The following IL11RA variants were observed in gnomAD, a reference collection of about 807,000 sequenced individuals.
The protein encoded by IL11RA is interleukin 11 receptor subunit alpha, also known as interleukin-11 receptor subunit alpha.
Under a neutral mutation model 57.0 loss-of-function variants are expected in IL11RA, and 51 were observed. The observed-to-expected ratio is 0.89, with a 90% CI of 0.71 to 1.13. The LOEUF is 1.13. Among genes scored for constraint, IL11RA ranks in the 50% most tolerant of loss-of-function variants. The probability of loss-of-function intolerance (pLI) is 0.00; values close to 1 mark genes in which losing one functional copy is unlikely to be tolerated. For missense variants in IL11RA, 498 were observed against 539.4 expected (o/e 0.92, Z 0.76); for synonymous variants, 199 against 217.5 (o/e 0.91, Z 0.75).
chr9:34,655,088 T>C (rs530924408), intron 1 of IL11RA, 130 bp from the exon 2 acceptor site: 2 of 723,028 alleles, frequency 2.8e-6, no homozygotes, highest in East Asian at 5.4e-5. Flanking sequence ...CCCGCAGTGA[T>C]TTCTAACAGC....
rs1250832390 is a variant in IL11RA at position 34,655,367 on chromosome 9, C to T, written c.100+50C>T. The T allele has an allele frequency of 8.6e-6, 10 of 1,160,060 alleles. No homozygotes were observed. In the African/African-American group the frequency reaches 1.2e-4, roughly 14 times the overall value. The allele number at this position is 1,160,060 out of a possible 1,614,324, so 71.9% of individuals were successfully genotyped here. On this transcript the variant is annotated intron_variant, in intron 2 of 12. Transcript: ENST00000441545. ...CTCCCAACTCTGACTTGTGACTTGC[C>T]ACCCTCACTGTGGCCCCTTCCCATG...
rs200169943 is a variant in IL11RA, at chr9:34,659,757, A to G, written c.811-2A>G. ...GTAACAGTGAGTCATGTTTACCCCC[A>G]GGTGGAGCCAGCTGGACTGGAGGAG... On this transcript the variant is annotated splice_acceptor_variant, in intron 8 of 12. Transcript: ENST00000441545. LOFTEE classifies it high-confidence loss of function. 2.5e-6 allele frequency: 4 copies of G among 1,614,174 alleles called. No individual in the cohort carries two copies. In the East Asian group the frequency reaches 8.9e-5, roughly 36 times the overall value.
Position 34,658,569 on chromosome 9 carries a change from C to T in IL11RA, c.696C>T (p.Tyr232=). Residue 232 remains tyrosine, a synonymous_variant, in exon 8 of 13, where the codon TAC becomes TAT. Coordinates refer to ENST00000441545, the MANE Select transcript of IL11RA (RefSeq NM_001142784.3). The surrounding 1 kb of genome is among the most constrained non-coding windows in gnomAD (Gnocchi z 4.0). ...QGLRVESVPG[Y]PRRLRASWTY... is the part of the protein sequence containing the mutation. ...TGCGGGTAGAGTCAGTACCAGGTTA[C>T]CCCCGACGCCTGCGAGCCAGCTGGA... 6.2e-7 allele frequency: 1 copy of T among 1,614,124 alleles called. No individual in the cohort carries two copies. Among genetic ancestry groups the T allele is most frequent in the Non-Finnish European group, 8.5e-7 (1 of 1,180,018 alleles).
In IL11RA at chr9:34,656,865, C is replaced by A; in HGVS notation, c.288C>A (p.Thr96=). The change falls in exon 4 of 13, where the codon ACC becomes ACA. Residue 96 remains threonine (T), a synonymous_variant. Coordinates refer to ENST00000441545, the MANE Select transcript of IL11RA (RefSeq NM_001142784.3). ...ATGAGGGCACCTACATCTGCCAGAC[C>A]CTGGATGGTGCACTTGGGGGCACAG... The part of the protein sequence containing the change: ...STDEGTYICQ[T]LDGALGGTVT... The A allele has an allele frequency of 6.2e-7, 1 of 1,614,124 alleles. No homozygotes were observed. Among genetic ancestry groups the A allele is most frequent in the Non-Finnish European group, 8.5e-7 (1 of 1,180,012 alleles).
At chr9:34,655,106 C>G (rs1821317564) in intron 1 of IL11RA, 112 bp from the exon 2 acceptor site, 3 of 760,940 alleles carry the variant, frequency 3.9e-6, no homozygotes, top group Admixed American at 2.0e-5. Context: ...AGCCTTACCC[C>G]ACTTGGTGCA....
At chr9:34,656,015 G>A (rs1015167213) in intron 3 of IL11RA, 1 of 353,508 alleles carries the variant, frequency 2.8e-6, no homozygotes, top group Non-Finnish European at 5.5e-6. Flanking sequence ...GGATGTCGAA[G>A]AGGACAACTG....
rs1821427887 is a variant in IL11RA, at chr9:34,660,266, T to G, written c.953-8T>G. Reference sequence around the variant, plus strand: ...TATGGACACTTATTGGGTCTTGCCTTCCTTTAGGGACCATACCAAAGGAGA... The same window carrying G: ...TATGGACACTTATTGGGTCTTGCCTGCCTTTAGGGACCATACCAAAGGAGA... On this transcript the variant is annotated splice_polypyrimidine_tract_variant and splice_region_variant and intron_variant, in intron 9 of 12. Coordinates refer to ENST00000441545, the MANE Select transcript of IL11RA (RefSeq NM_001142784.3). The G allele has an allele frequency of 6.2e-7, 1 of 1,614,182 alleles. No homozygotes were observed. The highest frequency in any genetic ancestry group is 1.3e-5 in the African/African-American group (1 of 75,054).
chr9:34,653,642 G>C lies in IL11RA; in HGVS notation c.-1+1409G>C, dbSNP rs1460298252. On this transcript the variant is annotated intron_variant, in intron 1 of 12. Coordinates refer to ENST00000441545, the MANE Select transcript of IL11RA (RefSeq NM_001142784.3). The surrounding 1 kb of genome is among the most constrained non-coding windows in gnomAD (Gnocchi z 4.5). Reference sequence around the variant, plus strand: ...GCCTCTTGAGTCTGTGTGTGAATGTGACTGTGTCTGGCTGTGTGAAAACAC... The same window carrying C: ...GCCTCTTGAGTCTGTGTGTGAATGTCACTGTGTCTGGCTGTGTGAAAACAC... Among the ~76,000 whole-genome samples the C allele has an allele frequency of 6.6e-6, 1 of 152,228 alleles. No homozygotes were observed. Among genetic ancestry groups the C allele is most frequent in the African/African-American group, 2.4e-5 (1 of 41,454 alleles).
intron 1 of IL11RA, among the ~76,000 whole-genome samples, chr9:34,654,492 C>A (rs184867609): frequency 6.6e-6 from 1 of 152,008 alleles, no homozygotes; most frequent in Non-Finnish European, 1.5e-5. Flanking sequence ...TCCTCGCCCA[C>A]CCCCAGCCTC....
chr9:34,661,555 TAGAAACCA>T lies in IL11RA; in HGVS notation c.*58_*65del. On this transcript the variant is annotated 3_prime_UTR_variant, in exon 13 of 13. Transcript: ENST00000441545. ...TATAATTCTGTCTTGCTGGTGTGGA[TAGAAACCA>T]GGCAGGACAGTAGATCCCTATGGTT... 1.1e-5 allele frequency: 18 copies of T among 1,567,250 alleles called. No individual in the cohort carries two copies. Among genetic ancestry groups the T allele is most frequent in the Non-Finnish European group, 1.5e-5 (17 of 1,137,246 alleles).
rs868612746 is a variant in IL11RA at position 34,657,429 on chromosome 9, C to T, written c.488C>T (p.Pro163Leu). ...VLGADSQRRSPSTGPWPCPQD... is the reference protein window; with the variant it reads ...VLGADSQRRSLSTGPWPCPQD... Reference sequence around the variant, plus strand: ...CACATCCTCCCTTCTAGGAGGAGTCCATCCACAGGGCCCTGGCCATGCCCA... The same window carrying T: ...CACATCCTCCCTTCTAGGAGGAGTCTATCCACAGGGCCCTGGCCATGCCCA... The change falls in exon 7 of 13, where the codon CCA (proline) becomes CTA (leucine). Residue 163 changes from proline to leucine, a missense_variant. By Grantham distance (98) the Pro-to-Leu change is moderately conservative (BLOSUM62 -3). Coordinates refer to ENST00000441545, the MANE Select transcript of IL11RA (RefSeq NM_001142784.3). The T allele has an allele frequency of 1.2e-6, 2 of 1,614,164 alleles. No individual in the cohort carries two copies. Among genetic ancestry groups the T allele is most frequent in the Admixed American group, 1.7e-5 (1 of 60,020 alleles).
rs59679449 is a variant in IL11RA, at chr9:34,654,994, C to CGT, written c.1-202_1-201dup. The CGT allele has an allele frequency of 0.3, 142,577 of 471,302 alleles. 10,446 individuals carry two copies. Among genetic ancestry groups the CGT allele is most frequent in the Middle Eastern group, 0.36 (586 of 1,614 alleles). The allele number at this position is 471,302 out of a possible 1,614,324, so 29.2% of individuals were successfully genotyped here. On this transcript the variant is annotated intron_variant, in intron 1 of 12. Transcript: ENST00000441545. ...GAGGGTGTGAGGGGGTGTGTGTGTC[C>CGT]GTGTGTGTGTGTGTGTGTGTGTGCG...
At position 34,652,514 on chromosome 9, in the gene IL11RA, G is replaced by A. The variant is rs7872272; in HGVS notation, c.-1+281G>A. Among the ~76,000 whole-genome samples the A allele has an allele frequency of 5.0e-3, 765 of 152,196 alleles. 9 individuals carry two copies. Among genetic ancestry groups the A allele is most frequent in the African/African-American group, 0.017 (726 of 41,500 alleles). Reference sequence around the variant, plus strand: ...CAATGCACATTTTTGGTGGGACTGGGTTGTGTGTTTGTGTGAGAGGGACTG... The same window carrying A: ...CAATGCACATTTTTGGTGGGACTGGATTGTGTGTTTGTGTGAGAGGGACTG... On this transcript the variant is annotated intron_variant, in intron 1 of 12. Coordinates refer to ENST00000441545, the MANE Select transcript of IL11RA (RefSeq NM_001142784.3).
chr9:34,656,894 C>A lies in IL11RA; in HGVS notation c.317C>A (p.Thr106Asn). The change falls in exon 4 of 13, where the codon ACC becomes AAC. Residue 106 changes from threonine (T) to asparagine (N), a missense_variant. By Grantham distance (65) the Thr-to-Asn change is moderately conservative. Transcript: ENST00000441545. The part of the protein sequence containing the change: ...TLDGALGGTV[T>N]LQLGYPPARP... ...GATGGTGCACTTGGGGGCACAGTGA[C>A]CCTGCAGCTGGGCTGTGAGTTGGGG... 1 of 1,614,118 alleles carries A rather than the reference C, an allele frequency of 6.2e-7. No individual in the cohort carries two copies. Among genetic ancestry groups the A allele is most frequent in the South Asian group, 1.1e-5 (1 of 91,078 alleles).
In IL11RA at chr9:34,661,632, C is replaced by T. The variant is rs1184323853; in HGVS notation, c.*134C>T. 3 of 990,156 alleles carry T rather than the reference C, an allele frequency of 3.0e-6. No homozygotes were observed. The Admixed American group carries it at 5.6e-5, about 18-fold the overall frequency. The allele number at this position is 990,156 out of a possible 1,614,324, so 61.3% of individuals were successfully genotyped here. ...CTGTTTGGAGCCCATTTCTGTGAGA[C>T]CCTGTATTTCAAATTTGCAGCTGAA... On this transcript the variant is annotated 3_prime_UTR_variant, in exon 13 of 13. Coordinates refer to ENST00000441545, the MANE Select transcript of IL11RA (RefSeq NM_001142784.3).
At position 34,655,213 on chromosome 9, in the gene IL11RA, C is replaced by A; in HGVS notation, c.1-5C>A. ...GGGGATTTTTGACTCTACCTCTCCC[C>A]ACAGATGAGCAGCAGCTGCTCAGGG... On this transcript the variant is annotated splice_polypyrimidine_tract_variant and splice_region_variant and intron_variant, in intron 1 of 12. Transcript: ENST00000441545. 6.2e-7 allele frequency: 1 copy of A among 1,606,164 alleles called. No homozygotes were observed. Among genetic ancestry groups the A allele is most frequent in the Non-Finnish European group, 8.5e-7 (1 of 1,174,398 alleles).
intron 1 of IL11RA, among the ~76,000 whole-genome samples, chr9:34,654,483 C>T (rs913751791): frequency 8.6e-5 from 13 of 151,416 alleles, no homozygotes; most frequent in African/African-American, 3.2e-4. Context: ...TCTGCTGGCT[C>T]CTCGCCCACC....
Position 34,660,899 on chromosome 9 carries a change from G to A in IL11RA, c.1215G>A (p.Gly405=), listed in dbSNP as rs760745329. Residue 405 remains glycine, a synonymous_variant, in exon 12 of 13, where the codon GGG becomes GGA. Coordinates refer to ENST00000441545, the MANE Select transcript of IL11RA (RefSeq NM_001142784.3). ...GGAAGGATGGATCCCCAAAGCCTGG[G>A]TTCTTGGCCTCAGTGATTCCAGTGG... ...RGGKDGSPKP[G]FLASVIPVDR... 21 of 1,614,204 alleles carry A rather than the reference G, an allele frequency of 1.3e-5. 2 individuals carry two copies. In the South Asian group the frequency reaches 2.2e-4, roughly 17 times the overall value.
In IL11RA at chr9:34,659,863, C is replaced by G. The variant is rs1397700210; in HGVS notation, c.915C>G (p.Ser305Arg). The G allele has an allele frequency of 6.2e-7, 1 of 1,614,196 alleles. No individual in the cohort carries two copies. Among genetic ancestry groups the G allele is most frequent in the Non-Finnish European group, 8.5e-7 (1 of 1,180,028 alleles). ...ARDFLDAGTW[S>R]TWSPEAWGTP... ...ACTTTCTAGATGCTGGCACCTGGAG[C>G]ACCTGGAGCCCGGAGGCCTGGGGAA... is the stretch of plus-strand genomic sequence containing the variant. Residue 305 changes from serine (S) to arginine (R), a missense_variant, in exon 9 of 13, where the codon AGC becomes AGG. Transcript: ENST00000441545.
Sources: gnomAD v4.1 joint callset for allele counts (sites outside exome capture counted in the v4.1 genomes callset) on GRCh38, gnomAD v4.1.1 for gene constraint, Gnocchi (gnomAD v3.1) non-coding constraint, MANE v1.5 for transcripts, NCBI Gene and HGNC (gene_info 2026-07-23, HGNC 2026-07-21) for gene names.